RABEPK: variants seen among roughly 807,000 people sequenced by gnomAD.
RABEPK encodes the protein 40 kDa Rab9 effector protein.
Under a neutral mutation model 34.1 loss-of-function variants are expected in RABEPK, and 27 were observed. The observed-to-expected ratio is 0.79, with a 90% CI of 0.58 to 1.09. RABEPK has a LOEUF of 1.09. RABEPK is among the 50% of genes least tolerant of loss of function. The pLI is 0.00. For missense variants in RABEPK, 449 were observed against 462.6 expected (o/e 0.97, Z 0.27); for synonymous variants, 172 against 169.2 (o/e 1.02, Z -0.13).
intron 2 of RABEPK, among the ~76,000 whole-genome samples, chr9:125,203,528 C>T (rs1467977889): frequency 6.6e-6 from 1 of 152,162 alleles, no homozygotes; most frequent in East Asian, 1.9e-4. Flanking sequence ...GGACTACAGA[C>T]TAAGCAGGTG....
chr9:125,228,668 GAAAA>G (rs1254213351), intron 6 of RABEPK, among the ~76,000 whole-genome samples: 1 of 92,064 alleles, frequency 1.1e-5, no homozygotes, highest in Admixed American at 1.2e-4. Context: ...CCAAAAAAAA[GAAAA>G]AAAAAAAAAA....
At chr9:125,211,812 T>C (rs1315215631) in intron 3 of RABEPK, among the ~76,000 whole-genome samples, 1 of 152,010 alleles carries the variant, frequency 6.6e-6, no homozygotes, top group Non-Finnish European at 1.5e-5. Context: ...CTACTAAAAA[T>C]ACAAAAATTA....
In RABEPK at chr9:125,210,403, C is replaced by CA. The variant is rs775128302; in HGVS notation, c.211+2703dup. Among the ~76,000 whole-genome samples the CA allele has an allele frequency of 5.1e-3, 343 of 67,586 alleles. 2 individuals carry two copies. The highest frequency in any genetic ancestry group is 0.038 in the Middle Eastern group (3 of 78). The allele number at this position is 67,586 out of a possible 152,430, so 44.3% of individuals were successfully genotyped here. A position where few individuals can be genotyped will look rare whatever the true frequency, so the allele number is the denominator to read the frequency against. ...TGGGTGACAGAGCAAGTCTCCGTCT[C>CA]AAAAAAAAAAAAAAAAAAAAAGGAA... On this transcript the variant is annotated intron_variant, in intron 3 of 7. Transcript: ENST00000373538.
At chr9:125,222,852 A>G (rs1249340254) in intron 5 of RABEPK, among the ~76,000 whole-genome samples, 2 of 152,120 alleles carry the variant, frequency 1.3e-5, no homozygotes, top group Non-Finnish European at 2.9e-5. Flanking sequence ...TTATATAAAT[A>G]TTAGAGTCAG....
intron 5 of RABEPK, chr9:125,222,014 A>G (rs1410507096): frequency 6.6e-6 from 1 of 151,108 alleles, no homozygotes; most frequent in Non-Finnish European, 1.5e-5. Context: ...CAGTTTTGCC[A>G]TGTTGCCCAG....
chr9:125,203,987 A>C (rs1377997106), intron 2 of RABEPK, among the ~76,000 whole-genome samples: 1 of 141,852 alleles, frequency 7.0e-6, no homozygotes, highest in East Asian at 2.2e-4. Context: ...AGCTGAGATC[A>C]TGCCACTGTA....
intron 5 of RABEPK, 106 bp from the exon 6 acceptor site, chr9:125,227,804 A>G (rs1831867212): frequency 9.0e-7 from 1 of 1,112,070 alleles, no homozygotes; most frequent in Non-Finnish European, 1.2e-6. Context: ...TGCTTCCTGC[A>G]TGGGACAGCT....
At chr9:125,203,153 A>G (rs1054324607) in intron 2 of RABEPK, 87 bp downstream of exon 2, 64 of 1,161,494 alleles carry the variant, frequency 5.5e-5, no homozygotes, top group Non-Finnish European at 7.4e-5. Flanking sequence ...TCATCAACAA[A>G]AAGGGGTAGA....
At chr9:125,233,583 C>A in intron 7 of RABEPK, 105 bp from the exon 8 acceptor site, 1 of 1,187,626 alleles carries the variant, frequency 8.4e-7, no homozygotes, top group South Asian at 1.4e-5. Flanking sequence ...ACCTCGTGAT[C>A]CACCCGCTTC....
chr9:125,209,322 G>A (rs1830441794), intron 3 of RABEPK, among the ~76,000 whole-genome samples: 1 of 150,908 alleles, frequency 6.6e-6, no homozygotes, highest in African/African-American at 2.4e-5. Context: ...TCCTCCCAAA[G>A]TGCTGGGATT....
At position 125,233,731 on chromosome 9, in the gene RABEPK, C is replaced by T; in HGVS notation, c.870C>T (p.Pro290=). Residue 290 remains proline (P), a synonymous_variant, in exon 8 of 8, where the codon CCC becomes CCT. Transcript: ENST00000373538. Reference sequence around the variant, plus strand: ...TGCTTAAATTTGATACTCTTCTACCCCCTGGACGATTGGACCATTCCATGT... The same window carrying T: ...TGCTTAAATTTGATACTCTTCTACCTCCTGGACGATTGGACCATTCCATGT... ...WTLLKFDTLL[P]PGRLDHSMCI... 1 of 1,614,102 alleles carries T rather than the reference C, an allele frequency of 6.2e-7. No individual in the cohort carries two copies. Among genetic ancestry groups the T allele is most frequent in the Non-Finnish European group, 8.5e-7 (1 of 1,179,998 alleles).
chr9:125,226,605 T>C (rs1759436), intron 5 of RABEPK, among the ~76,000 whole-genome samples: 1,821 of 150,852 alleles, frequency 0.012, 45 homozygotes, highest in African/African-American at 0.041. Context: ...GTGGCTCACG[T>C]CTGTAATCCC....
At position 125,220,545 on chromosome 9, in the gene RABEPK, G is replaced by T; in HGVS notation, c.371G>T (p.Arg124Met). 1 of 1,613,110 alleles carries T rather than the reference G, an allele frequency of 6.2e-7. No individual in the cohort carries two copies. The highest frequency in any genetic ancestry group is 8.5e-7 in the Non-Finnish European group (1 of 1,179,510). ...NCLQVLNPETRTWTTPEVTSP... is the reference protein window; with the variant it reads ...NCLQVLNPETMTWTTPEVTSP... ...TGCATTCTCTCTGGCCCAGAAACCA[G>T]GACGTGGACCACGCCAGAAGTGACC... is the stretch of plus-strand genomic sequence containing the variant. Residue 124 changes from arginine (R) to methionine (M), a missense_variant, in exon 5 of 8, where the codon AGG (arginine) becomes ATG (methionine). Physicochemically the swap from Arg to Met is moderately conservative, Grantham distance 91. Transcript: ENST00000373538.
At chr9:125,209,227 AT>A (rs1442235687) in intron 3 of RABEPK, among the ~76,000 whole-genome samples, 9 of 146,850 alleles carry the variant, frequency 6.1e-5, no homozygotes, top group Admixed American at 5.5e-4. Context: ...TGCCCTGCTA[AT>A]TTTTGTATTT....
chr9:125,200,928 C>T (rs538296023), intron 1 of RABEPK, 22 bp downstream of exon 1: 4 of 454,430 alleles, frequency 8.8e-6, no homozygotes, highest in South Asian at 3.2e-5. Flanking sequence ...CCATTCATCT[C>T]TCAATCTATT....
At chr9:125,208,802 TG>T (rs1203073372) in intron 3 of RABEPK, among the ~76,000 whole-genome samples, 2 of 152,114 alleles carry the variant, frequency 1.3e-5, no homozygotes, top group African/African-American at 4.8e-5. Flanking sequence ...CCCAAAGTGC[TG>T]GGATTACAGG....
intron 1 of RABEPK, among the ~76,000 whole-genome samples, chr9:125,202,600 C>T (rs1304998397): frequency 2.6e-5 from 4 of 152,006 alleles, no homozygotes; most frequent in Admixed American, 6.6e-5. Context: ...GAGGCTGAGG[C>T]GGGTGGATCA....
chr9:125,226,868 AAATAAT>A (rs1041248206), intron 5 of RABEPK, among the ~76,000 whole-genome samples: 6 of 130,168 alleles, frequency 4.6e-5, no homozygotes, highest in South Asian at 4.8e-4. Context: ...TGTCTGCAAA[AAATAAT>A]AATAATAAAT....
At chr9:125,212,547 T>G (rs993942540) in intron 3 of RABEPK, among the ~76,000 whole-genome samples, 2 of 151,924 alleles carry the variant, frequency 1.3e-5, no homozygotes, top group Admixed American at 6.6e-5. Context: ...TCTGTGAACT[T>G]GTCTTAGCCA....
Sources: gnomAD v4.1 joint callset for allele counts (sites outside exome capture counted in the v4.1 genomes callset) on GRCh38, gnomAD v4.1.1 for gene constraint, MANE v1.5 for transcripts, NCBI Gene and HGNC (gene_info 2026-07-23, HGNC 2026-07-21) for gene names.